The following SPOP variants were observed in gnomAD, a reference collection of about 807,000 sequenced individuals.
SPOP encodes the protein speckle-type POZ protein.
Under a neutral mutation model 45.6 loss-of-function variants are expected in SPOP, and 11 were observed. That is an observed-to-expected ratio of 0.24 (90% CI 0.15 to 0.40). The LOEUF (loss-of-function observed/expected upper bound fraction) is 0.40. Among genes scored for constraint, SPOP ranks in the 10% least tolerant of loss-of-function variants. The probability of loss-of-function intolerance (pLI) is 1.00; values close to 1 mark genes in which losing one functional copy is unlikely to be tolerated. For synonymous variants in SPOP, 166 were observed against 166.3 expected, an observed-to-expected ratio of 1.00 and a Z score of 0.01; for missense variants, 152 against 465.6, an observed-to-expected ratio of 0.33 and a Z score of 6.20.
intron 1 of SPOP, among the ~76,000 whole-genome samples, chr17:49,664,472 A>G (rs2073027387): frequency 6.6e-6 from 1 of 152,234 alleles, no homozygotes; most frequent in Admixed American, 6.5e-5. Flanking sequence ...ATTATTTTAT[A>G]GTAATAAATA....
intron 8 of SPOP, among the ~76,000 whole-genome samples, chr17:49,605,808 C>T (rs1035225598): frequency 6.6e-6 from 1 of 151,568 alleles, no homozygotes; most frequent in African/African-American, 2.4e-5. Flanking sequence ...ACCAACATGG[C>T]GAAACCCCAT....
At chr17:49,644,053 A>G (rs757007613) in intron 1 of SPOP, among the ~76,000 whole-genome samples, 10 of 151,924 alleles carry the variant, frequency 6.6e-5, no homozygotes, top group Non-Finnish European at 1.5e-4. Context: ...ACATGAGACA[A>G]CAGAAATGCA....
chr17:49,672,422 TCAAA>T, intron 1 of SPOP, among the ~76,000 whole-genome samples: 1 of 152,316 alleles, frequency 6.6e-6, no homozygotes, highest in East Asian at 1.9e-4. Context: ...CCTTAAATGA[TCAAA>T]CAAACTCAGC....
chr17:49,647,150 G>A (rs1297116586), intron 1 of SPOP, among the ~76,000 whole-genome samples: 1 of 151,242 alleles, frequency 6.6e-6, no homozygotes. Context: ...AAAAAAATTA[G>A]CCAGGTGTGG....
chr17:49,640,669 A>G (rs2072629758), intron 1 of SPOP, among the ~76,000 whole-genome samples: 1 of 152,196 alleles, frequency 6.6e-6, no homozygotes, highest in Admixed American at 6.5e-5. Context: ...ACCTCCAGTA[A>G]AATCCCAACT....
intron 8 of SPOP, among the ~76,000 whole-genome samples, chr17:49,604,113 T>C (rs2071790151): frequency 6.6e-6 from 1 of 152,204 alleles, no homozygotes; most frequent in African/African-American, 2.4e-5. Context: ...TGTGTATAAG[T>C]ACAAGTGACC....
rs2073228320 is a variant in SPOP at position 49,678,045 on chromosome 17, G to A, written c.-179C>T. ...ATACACAAATACACACACACTCGGAGCGCGCACACTCACACACACACATAC... is the reference window on the plus strand; with the variant it reads ...ATACACAAATACACACACACTCGGAACGCGCACACTCACACACACACATAC... On this transcript the variant is annotated 5_prime_UTR_variant, in exon 1 of 10. Transcript: ENST00000504102. 1 of 399,310 alleles carries A rather than the reference G, an allele frequency of 2.5e-6. No individual in the cohort carries two copies. The highest frequency in any genetic ancestry group is 4.4e-5 in the Admixed American group (1 of 22,696). 24.7% of individuals were successfully genotyped at this position (399,310 alleles called of 1,614,324 possible).
intron 1 of SPOP, among the ~76,000 whole-genome samples, chr17:49,657,672 C>T (rs2072932093): frequency 7.0e-6 from 1 of 142,202 alleles, no homozygotes; most frequent in Admixed American, 7.4e-5. Context: ...GCTGGGATTA[C>T]AAGCATGAGC....
chr17:49,652,682 C>A (rs2143495923), intron 1 of SPOP, among the ~76,000 whole-genome samples: 1 of 152,220 alleles, frequency 6.6e-6, no homozygotes, highest in Non-Finnish European at 1.5e-5. Context: ...CCCTGCATAC[C>A]AAATGGAACA....
intron 1 of SPOP, among the ~76,000 whole-genome samples, chr17:49,657,195 C>CA (rs879331948): frequency 7.0e-4 from 84 of 120,574 alleles, no homozygotes; most frequent in Middle Eastern, 4.3e-3. Context: ...GACTCTGTCT[C>CA]AAAAAAAAAA....
intron 1 of SPOP, among the ~76,000 whole-genome samples, chr17:49,641,587 A>C (rs75338419): frequency 6.6e-6 from 1 of 151,868 alleles, no homozygotes; most frequent in East Asian, 1.9e-4. Context: ...AAAAAAAAAA[A>C]CCCAGAATGT....
In SPOP at chr17:49,606,354, C is replaced by G. The variant is rs2071844918; in HGVS notation, c.837+896G>C. Among the ~76,000 whole-genome samples the G allele has an allele frequency of 2.0e-5, 3 of 151,932 alleles. 1 individual carries two copies. In the South Asian group the frequency reaches 6.2e-4, roughly 32 times the overall value. Reference sequence around the variant, plus strand: ...ATTTTTATTTTTGTAGGGATGGAGTCTATGTTGCCCAGGCTGGCCTTGAAC... The same window carrying G: ...ATTTTTATTTTTGTAGGGATGGAGTGTATGTTGCCCAGGCTGGCCTTGAAC... On this transcript the variant is annotated intron_variant, in intron 8 of 9. Coordinates refer to ENST00000504102, the MANE Select transcript of SPOP (RefSeq NM_001007228.2).
At chr17:49,618,937 T>C in intron 5 of SPOP, 44 bp downstream of exon 5, 2 of 1,584,494 alleles carry the variant, frequency 1.3e-6, no homozygotes. Flanking sequence ...CCAATACTCA[T>C]CAGATCTGGG....
intron 9 of SPOP, chr17:49,601,356 A>G (rs2071736575): frequency 6.6e-6 from 1 of 152,252 alleles, no homozygotes; most frequent in Non-Finnish European, 1.5e-5. Context: ...TTATTATTCC[A>G]TATTATTATT....
intron 5 of SPOP, among the ~76,000 whole-genome samples, chr17:49,614,296 A>G (rs1372102254): frequency 6.6e-6 from 1 of 152,210 alleles, no homozygotes; most frequent in African/African-American, 2.4e-5. Context: ...TTCACACAAG[A>G]CTATTATATA....
intron 5 of SPOP, among the ~76,000 whole-genome samples, chr17:49,618,163 G>A (rs1257759093): frequency 1.3e-5 from 2 of 152,112 alleles, no homozygotes; most frequent in Non-Finnish European, 2.9e-5. Context: ...TTATCAAGCG[G>A]TGCTGCTCAG....
chr17:49,618,077 A>G (rs558576359), intron 5 of SPOP, among the ~76,000 whole-genome samples: 1 of 152,178 alleles, frequency 6.6e-6, no homozygotes, highest in Admixed American at 6.5e-5. Flanking sequence ...TCACAGTGTG[A>G]GCCTATTATT....
In SPOP at chr17:49,635,751, C is replaced by T. The variant is rs138783803; in HGVS notation, c.-66-12875G>A. Among the ~76,000 whole-genome samples, 1,337 of 150,780 alleles carry T rather than the reference C, an allele frequency of 8.9e-3. 19 individuals are homozygous for T. Among genetic ancestry groups the T allele is most frequent in the African/African-American group, 0.03 (1,214 of 41,024 alleles). ...CTGGGTTCAAGCAATTCTCCCACCT[C>T]AGCCTCCCGAGTAGCTGGGATTCAG... On this transcript the variant is annotated intron_variant, in intron 1 of 9. Coordinates refer to ENST00000504102, the MANE Select transcript of SPOP (RefSeq NM_001007228.2).
At chr17:49,655,935 T>C (rs1049428082) in intron 1 of SPOP, among the ~76,000 whole-genome samples, 9 of 151,976 alleles carry the variant, frequency 5.9e-5, no homozygotes, top group African/African-American at 2.2e-4. Context: ...CTCAGCCTCC[T>C]GAGTAGCTAG....
Sources: gnomAD v4.1 joint callset for allele counts (sites outside exome capture counted in the v4.1 genomes callset) on GRCh38, gnomAD v4.1.1 for gene constraint, MANE v1.5 for transcripts, NCBI Gene and HGNC (gene_info 2026-07-23, HGNC 2026-07-21) for gene names.